ITIH5: variants seen among roughly 807,000 people sequenced by gnomAD.
ITIH5 encodes the protein inter-alpha-trypsin inhibitor heavy chain H5.
ITIH5 carries 65 observed loss-of-function variants against 77.5 expected under a neutral mutation model. That is an observed-to-expected ratio of 0.84 (90% CI 0.69 to 1.03). The LOEUF (loss-of-function observed/expected upper bound fraction) is 1.03, where lower values mean the gene tolerates loss of function less well. ITIH5 is among the 50% of genes least tolerant of loss of function. The pLI, the probability that ITIH5 is intolerant of heterozygous loss-of-function variation, is 0.00. For synonymous variants in ITIH5, 525 were observed against 494.3 expected, an observed-to-expected ratio of 1.06 and a Z score of -0.82; for missense variants, 1,208 against 1,213.1, an observed-to-expected ratio of 1.00 and a Z score of 0.06.
intron 2 of ITIH5, among the ~76,000 whole-genome samples, chr10:7,644,846 ATATCACATATG>A (rs869113210): frequency 7.1e-5 from 8 of 111,938 alleles, no homozygotes; most frequent in Admixed American, 1.7e-4. Context: ...TATCACATAT[ATATCACATATG>A]TATCACATAT....
intron 5 of ITIH5, among the ~76,000 whole-genome samples, chr10:7,634,021 G>A (rs187431123): frequency 9.5e-4 from 140 of 147,744 alleles, no homozygotes; most frequent in African/African-American, 3.1e-3. Context: ...TCCGGAAGGC[G>A]GAGCTTGCAG....
At chr10:7,616,988 G>A in intron 6 of ITIH5, 125 bp downstream of exon 6, 2 of 608,480 alleles carry the variant, frequency 3.3e-6, no homozygotes, top group Non-Finnish European at 2.6e-6. Flanking sequence ...AAATACTTTG[G>A]ATTAAAACAA....
intron 5 of ITIH5, among the ~76,000 whole-genome samples, chr10:7,629,521 G>GTGTGTCCA (rs1833677578): frequency 1.1e-5 from 1 of 87,228 alleles, no homozygotes; most frequent in African/African-American, 4.9e-5. Context: ...GCGTGTGTCC[G>GTGTGTCCA]TGTTGCAGCG....
At chr10:7,649,970 C>T (rs560282505) in intron 2 of ITIH5, among the ~76,000 whole-genome samples, 5 of 152,240 alleles carry the variant, frequency 3.3e-5, no homozygotes, top group African/African-American at 4.8e-5. Flanking sequence ...TTGGGATGTC[C>T]GCTGGAAAAT....
chr10:7,568,916 T>C (rs1832238869), intron 12 of ITIH5, among the ~76,000 whole-genome samples: 1 of 152,124 alleles, frequency 6.6e-6, no homozygotes. Context: ...GTTTAGAACC[T>C]TGGCCTCCCC....
intron 8 of ITIH5, among the ~76,000 whole-genome samples, chr10:7,583,583 C>A (rs1170028235): frequency 1.3e-5 from 2 of 152,228 alleles, no homozygotes; most frequent in Non-Finnish European, 2.9e-5. Flanking sequence ...ATCCACCCGC[C>A]TTGGCCTCCC....
intron 2 of ITIH5, among the ~76,000 whole-genome samples, chr10:7,652,276 C>T (rs1392267389): frequency 6.6e-6 from 1 of 152,156 alleles, no homozygotes; most frequent in East Asian, 1.9e-4. Context: ...ACATTCTATT[C>T]ATTAATTCAA....
intron 12 of ITIH5, 136 bp from the exon 13 acceptor site, chr10:7,566,543 C>T: frequency 1.4e-6 from 1 of 711,922 alleles, no homozygotes; most frequent in Non-Finnish European, 2.3e-6. Context: ...GCCTGGGCAA[C>T]ACAGAGACCC....
At chr10:7,644,340 CATATATCACATATATATCAT>C (rs1564277108) in intron 2 of ITIH5, among the ~76,000 whole-genome samples, 5 of 144,688 alleles carry the variant, frequency 3.5e-5, no homozygotes, top group Admixed American at 6.9e-5. Context: ...ATATATATCA[CATATATCACATATATATCAT>C]ATATATCACA....
At chr10:7,655,704 G>GTGA (rs1301979495) in intron 1 of ITIH5, 29 bp from the exon 2 acceptor site, 1 of 1,572,532 alleles carries the variant, frequency 6.4e-7, no homozygotes, top group Non-Finnish European at 8.7e-7. Context: ...TGTTAAAAAG[G>GTGA]TGATTTTTAA....
intron 1 of ITIH5, among the ~76,000 whole-genome samples, chr10:7,664,401 A>T (rs1408321961): frequency 1.3e-5 from 2 of 149,168 alleles, no homozygotes; most frequent in African/African-American, 5.0e-5. Flanking sequence ...TTCCGTCTCA[A>T]AAAAAAAAAA....
intron 2 of ITIH5, among the ~76,000 whole-genome samples, chr10:7,653,431 C>G (rs1834132389): frequency 6.6e-6 from 1 of 152,200 alleles, no homozygotes; most frequent in Non-Finnish European, 1.5e-5. Context: ...TGGTCTTGAA[C>G]TCCAGACCTC....
At chr10:7,573,919 G>C (rs1366751482) in intron 10 of ITIH5, among the ~76,000 whole-genome samples, 7 of 152,160 alleles carry the variant, frequency 4.6e-5, no homozygotes. Flanking sequence ...AAGTTCTAGA[G>C]ATCTGTTTCA....
At chr10:7,572,198 C>A in intron 11 of ITIH5, 1 of 1,218,010 alleles carries the variant, frequency 8.2e-7, no homozygotes, top group Non-Finnish European at 1.1e-6. Context: ...CGGGATGTCC[C>A]TGGCTTTAGG....
intron 11 of ITIH5, chr10:7,572,325 T>C (rs768733153): frequency 7.3e-7 from 1 of 1,367,618 alleles, no homozygotes; most frequent in Admixed American, 1.9e-5. Flanking sequence ...ATTTTTATTA[T>C]AGTTCCAGGA....
rs921611371 is a variant in ITIH5 at position 7,641,859 on chromosome 10, C to T, written c.299+68G>A. 27 of 1,360,778 alleles carry T rather than the reference C, an allele frequency of 2.0e-5. 1 individual carries two copies. In the East Asian group the frequency reaches 6.0e-4, roughly 30 times the overall value. 84.3% of individuals were successfully genotyped at this position (1,360,778 alleles called of 1,614,324 possible). The stretch of plus-strand genomic sequence containing the variant: ...TCCTCACAGTCACAAGGCTGTGGAC[C>T]TCACATCTCAGGCTCAACCTGACCA... On this transcript the variant is annotated intron_variant, in intron 3 of 13. Transcript: ENST00000397146.
chr10:7,621,056 TTTGTGTTTTAACGAG>T (rs1324040923), intron 5 of ITIH5: 1 of 152,160 alleles, frequency 6.6e-6, no homozygotes, highest in Admixed American at 6.5e-5. Context: ...GACTCCGCCA[TTTGTGTTTTAACGAG>T]CCCTCTGGGT....
At chr10:7,582,820 G>A (rs1832593178) in intron 8 of ITIH5, among the ~76,000 whole-genome samples, 1 of 152,166 alleles carries the variant, frequency 6.6e-6, no homozygotes, top group Non-Finnish European at 1.5e-5. Flanking sequence ...AAGAGTAGAA[G>A]GATGGTTTCC....
At chr10:7,646,441 A>G (rs1432873891) in intron 2 of ITIH5, among the ~76,000 whole-genome samples, 1 of 152,174 alleles carries the variant, frequency 6.6e-6, no homozygotes, top group Non-Finnish European at 1.5e-5. Flanking sequence ...ATACTGTACT[A>G]ATTTGCTTAA....
Sources: allele counts gnomAD v4.1 joint callset (sites outside exome capture counted in the v4.1 genomes callset), GRCh38; gene constraint gnomAD v4.1.1; transcripts MANE v1.5; gene names NCBI Gene and HGNC (gene_info 2026-07-23, HGNC 2026-07-21).